The following PCNX2 variants were observed in gnomAD, a reference collection of about 807,000 sequenced individuals.
The protein encoded by PCNX2 is pecanex-like protein 2.
PCNX2 carries 168 observed loss-of-function variants against 223.8 expected under a neutral mutation model. That is an observed-to-expected ratio of 0.75 (90% CI 0.66 to 0.85). PCNX2 has a LOEUF of 0.85. Among genes scored for constraint, PCNX2 ranks in the 40% least tolerant of loss-of-function variants. The pLI is 0.00. For synonymous variants in PCNX2, 1,006 were observed against 1,052.6 expected, an observed-to-expected ratio of 0.96 and a Z score of 0.86; for missense variants, 2,507 against 2,675.5, an observed-to-expected ratio of 0.94 and a Z score of 1.39.
chr1:233,235,957 A>AAAAAATATATATATAT (rs369886650), intron 9 of PCNX2, among the ~76,000 whole-genome samples: 45 of 93,092 alleles, frequency 4.8e-4, no homozygotes, highest in South Asian at 6.9e-4. Context: ...CATAAAAAAA[A>AAAAAATATATATATAT]ATATATATAT....
chr1:233,106,018 G>A (rs557568607), intron 21 of PCNX2, among the ~76,000 whole-genome samples: 1 of 152,272 alleles, frequency 6.6e-6, no homozygotes, highest in African/African-American at 2.4e-5. Context: ...TGTATGGGGA[G>A]GTGGGCCATT....
At chr1:233,098,326 A>T (rs781198184) in intron 21 of PCNX2, among the ~76,000 whole-genome samples, 2 of 152,204 alleles carry the variant, frequency 1.3e-5, no homozygotes, top group Non-Finnish European at 2.9e-5. Context: ...CTAACAAGTT[A>T]AACTTTGCTG....
intron 8 of PCNX2, among the ~76,000 whole-genome samples, chr1:233,243,610 G>A (rs1158276130): frequency 6.6e-6 from 1 of 152,088 alleles, no homozygotes; most frequent in East Asian, 1.9e-4. Flanking sequence ...TAGAGGAAAG[G>A]CTTCCATCTG....
the PCNX2 span, among the ~76,000 whole-genome samples, chr1:233,323,268 A>T: frequency 6.6e-6 from 1 of 152,202 alleles, no homozygotes; most frequent in African/African-American, 2.4e-5. Flanking sequence ...CTCATACCCC[A>T]CTGGGGAAAG....
chr1:233,314,853 T>G, the PCNX2 span, among the ~76,000 whole-genome samples: 1 of 152,322 alleles, frequency 6.6e-6, no homozygotes. Context: ...TTTCACTCAT[T>G]GAACCCTCAC....
intron 15 of PCNX2, among the ~76,000 whole-genome samples, chr1:233,193,080 T>C (rs1680512224): frequency 6.8e-6 from 1 of 147,562 alleles, no homozygotes. Flanking sequence ...CAAATTATTT[T>C]ACATAATTTA....
rs1315447647 is a variant in PCNX2, at chr1:233,119,875, G to A, written c.3837+15138C>T. Reference sequence around the variant, plus strand: ...ATATCCAACAAGGGAATCAAATCTAGAGTACACAGGGCTGGGCGCGGTGGC... The same window carrying A: ...ATATCCAACAAGGGAATCAAATCTAAAGTACACAGGGCTGGGCGCGGTGGC... On this transcript the variant is annotated intron_variant, in intron 21 of 33. Transcript: ENST00000258229. 2.0e-5 allele frequency among the ~76,000 whole-genome samples: 3 copies of A among 151,916 alleles called. No individual in the cohort carries two copies. In the East Asian group the frequency reaches 5.8e-4, roughly 29 times the overall value.
chr1:233,016,705 G>A, intron 27 of PCNX2: 1 of 901,754 alleles, frequency 1.1e-6, no homozygotes, highest in Non-Finnish European at 1.3e-6. Context: ...TGCATAAAGG[G>A]ATCTATATCT....
chr1:233,122,326 G>T (rs1369150104), intron 21 of PCNX2, among the ~76,000 whole-genome samples: 3 of 152,080 alleles, frequency 2.0e-5, no homozygotes, highest in Non-Finnish European at 4.4e-5. Context: ...AAATAATTTT[G>T]ATACTTTCCC....
In PCNX2 at chr1:233,025,406, G is replaced by C. The variant is rs376834019; in HGVS notation, c.4352-7C>G. The C allele has an allele frequency of 1.1e-5, 18 of 1,613,036 alleles. No individual in the cohort carries two copies. The highest frequency in any genetic ancestry group is 3.3e-4 in the Middle Eastern group (2 of 6,080). On this transcript the variant is annotated splice_region_variant and splice_polypyrimidine_tract_variant and intron_variant, in intron 25 of 33. Coordinates refer to ENST00000258229, the MANE Select transcript of PCNX2 (RefSeq NM_014801.4). ...CTCTGCTGGCAGTAGGTTCCTGGCC[G>C]AGCACAAACATGAAGGAAGTTTGAA...
At chr1:233,129,263 G>A (rs1676294691) in intron 21 of PCNX2, among the ~76,000 whole-genome samples, 1 of 152,244 alleles carries the variant, frequency 6.6e-6, no homozygotes, top group South Asian at 2.1e-4. Flanking sequence ...AGCAGCTGCA[G>A]AGGGTGCGCT....
At chr1:233,003,051 C>A (rs1670145040) in intron 28 of PCNX2, among the ~76,000 whole-genome samples, 1 of 152,158 alleles carries the variant, frequency 6.6e-6, no homozygotes. Flanking sequence ...CCATAAAAAT[C>A]TTAGAAGAAA....
intron 16 of PCNX2, 127 bp from the exon 17 acceptor site, chr1:233,178,025 A>G (rs1012923404): frequency 2.0e-5 from 14 of 687,550 alleles, no homozygotes; most frequent in Middle Eastern, 2.8e-4. Flanking sequence ...TTAAAAATTT[A>G]TAATAAAAAG....
chr1:233,130,387 A>C (rs1676403815), intron 21 of PCNX2, among the ~76,000 whole-genome samples: 2 of 150,936 alleles, frequency 1.3e-5, no homozygotes, highest in South Asian at 2.1e-4. Flanking sequence ...TGTCTCACCC[A>C]CCGTCTCGAT....
At chr1:233,026,867 G>T (rs1296646301) in intron 25 of PCNX2, among the ~76,000 whole-genome samples, 1 of 152,200 alleles carries the variant, frequency 6.6e-6, no homozygotes, top group Non-Finnish European at 1.5e-5. Flanking sequence ...GGAGATGTCA[G>T]GGAGGCAGCT....
intron 25 of PCNX2, chr1:233,032,115 T>C (rs1012868441): frequency 1.1e-4 from 102 of 922,042 alleles, no homozygotes; most frequent in Non-Finnish European, 1.3e-4. Flanking sequence ...TTCTTTCTTT[T>C]TTTTGAGATA....
At chr1:233,186,054 C>T (rs1018961700) in intron 15 of PCNX2, among the ~76,000 whole-genome samples, 23 of 152,158 alleles carry the variant, frequency 1.5e-4, no homozygotes, top group African/African-American at 5.3e-4. Context: ...TGAATTCCAG[C>T]ATTTTTCTCC....
chr1:233,302,082 T>C, the PCNX2 span, among the ~76,000 whole-genome samples: 1 of 151,930 alleles, frequency 6.6e-6, no homozygotes, highest in Non-Finnish European at 1.5e-5. Flanking sequence ...AGTGAACCAC[T>C]GCGCCCAGCC....
rs1669488988 is a variant in PCNX2, at chr1:232,986,473, C to T, written c.5859G>A (p.Leu1953=). ...HSALSQRPPM[L]SSSGPILESR... Reference sequence around the variant, plus strand: ...TCTCTAAGATGGGGCCAGATGAGCTCAGCATGGGCGGCCTTTGGCTTAGCG... The same window carrying T: ...TCTCTAAGATGGGGCCAGATGAGCTTAGCATGGGCGGCCTTTGGCTTAGCG... Residue 1953 remains leucine (L), a synonymous_variant, in exon 33 of 34, where the codon CTG becomes CTA. Coordinates refer to ENST00000258229, the MANE Select transcript of PCNX2 (RefSeq NM_014801.4). 6.3e-7 allele frequency: 1 copy of T among 1,600,000 alleles called. No individual in the cohort carries two copies. Among genetic ancestry groups the T allele is most frequent in the African/African-American group, 1.3e-5 (1 of 74,784 alleles).
Sources: gnomAD v4.1 joint callset for allele counts (sites outside exome capture counted in the v4.1 genomes callset) on GRCh38, gnomAD v4.1.1 for gene constraint, MANE v1.5 for transcripts, NCBI Gene and HGNC (gene_info 2026-07-23, HGNC 2026-07-21) for gene names.